The following NFAT5 variants were observed in gnomAD, a reference collection of about 807,000 sequenced individuals.
The protein encoded by NFAT5 is nuclear factor of activated T-cells 5.
Under a neutral mutation model 166.5 loss-of-function variants are expected in NFAT5, and 31 were observed. That is an observed-to-expected ratio of 0.19 (90% CI 0.14 to 0.25). The LOEUF (loss-of-function observed/expected upper bound fraction) is 0.25, where lower values mean the gene tolerates loss of function less well. NFAT5 is among the 10% of genes least tolerant of loss of function. The probability of loss-of-function intolerance (pLI) is 1.00; values close to 1 mark genes in which losing one functional copy is unlikely to be tolerated. For missense variants in NFAT5, 1,449 were observed against 1,821.8 expected, an observed-to-expected ratio of 0.80 and a Z score of 3.72; for synonymous variants, 612 against 639.7, an observed-to-expected ratio of 0.96 and a Z score of 0.65.
rs771181388 is a variant in NFAT5, at chr16:69,702,887, T to G, written c.*6536T>G. 35 of 152,686 alleles carry G rather than the reference T, an allele frequency of 2.3e-4. No homozygotes were observed. The highest frequency in any genetic ancestry group is 3.4e-4 in the Non-Finnish European group (23 of 68,042). 9.5% of individuals were successfully genotyped at this position (152,686 alleles called of 1,614,324 possible). A position where few individuals can be genotyped will look rare whatever the true frequency, so the allele number is the denominator to read the frequency against. On this transcript the variant is annotated 3_prime_UTR_variant, in exon 15 of 15. Transcript: ENST00000349945. ...CAGTGTATTTTATGTACATACACAA[T>G]TAGTCTAATTCTTGATAATTCAGTT...
intron 2 of NFAT5, among the ~76,000 whole-genome samples, chr16:69,625,377 AC>A (rs1357093866): frequency 6.6e-6 from 1 of 152,014 alleles, no homozygotes; most frequent in Non-Finnish European, 1.5e-5. Flanking sequence ...TTTAAAAGAT[AC>A]AGGGTTCTTT....
chr16:69,613,181 T>C (rs2033783987), intron 2 of NFAT5, among the ~76,000 whole-genome samples: 2 of 152,194 alleles, frequency 1.3e-5, no homozygotes, highest in African/African-American at 4.8e-5. Context: ...CCAATTTAGT[T>C]CATCCATTTA....
At position 69,570,216 on chromosome 16, in the gene NFAT5, AATT is replaced by A. The variant is rs2016349422; in HGVS notation, c.127+1671_127+1673del. ...TTTAAAGTAAGGCTACCCTTTTAGA[AATT>A]ATATATAAAATATAACATGTATAAG... On this transcript the variant is annotated intron_variant, in intron 2 of 14. Transcript: ENST00000349945. 2.0e-5 allele frequency among the ~76,000 whole-genome samples: 3 copies of A among 152,284 alleles called. No homozygotes were observed. In the South Asian group the frequency reaches 6.2e-4, roughly 32 times the overall value.
At position 69,692,940 on chromosome 16, in the gene NFAT5, G is replaced by C. The variant is rs2037609469; in HGVS notation, c.3115G>C (p.Val1039Leu). The C allele has an allele frequency of 6.2e-7, 1 of 1,614,164 alleles. No individual in the cohort carries two copies. The highest frequency in any genetic ancestry group is 8.5e-7 in the Non-Finnish European group (1 of 1,180,020). Reference sequence around the variant, plus strand: ...ACATAGTGGGGACAATCAACCTCAAGTTAACCTTTTTTCATCCACAAAAAG... The same window carrying C: ...ACATAGTGGGGACAATCAACCTCAACTTAACCTTTTTTCATCCACAAAAAG... ...MQHSGDNQPQ[V>L]NLFSSTKSMM... Residue 1039 changes from valine (V) to leucine (L), a missense_variant, in exon 13 of 15, where the codon GTT (valine) becomes CTT (leucine). Val to Leu is a conservative substitution (Grantham distance 32). Around this residue, in one of 7 missense-constraint regions of NFAT5, gnomAD observed 891 missense variants for 993.0 expected, o/e 0.90. Coordinates refer to ENST00000349945, the MANE Select transcript of NFAT5 (RefSeq NM_138713.4).
At chr16:69,668,828 A>G (rs919270844) in intron 7 of NFAT5, among the ~76,000 whole-genome samples, 2 of 151,946 alleles carry the variant, frequency 1.3e-5, no homozygotes, top group African/African-American at 2.4e-5. Context: ...ACAAGCACCC[A>G]CCACCACGCC....
rs560731114 is a variant in NFAT5, at chr16:69,622,347, T to C, written c.128-4056T>C. ...AACTGTAGCTTCCCTTGGATAGGCA[T>C]GATAAACTTCTGGCAGGCTGACTTC... On this transcript the variant is annotated intron_variant, in intron 2 of 14. Transcript: ENST00000349945. Among the ~76,000 whole-genome samples the C allele has an allele frequency of 2.0e-5, 3 of 152,352 alleles. No homozygotes were observed. The South Asian group carries it at 6.2e-4, about 32-fold the overall frequency.
intron 3 of NFAT5, among the ~76,000 whole-genome samples, chr16:69,643,957 T>A (rs1322667475): frequency 6.6e-6 from 1 of 152,178 alleles, no homozygotes; most frequent in Non-Finnish European, 1.5e-5. Flanking sequence ...ATTTTATACA[T>A]CATTATCATC....
intron 7 of NFAT5, among the ~76,000 whole-genome samples, chr16:69,662,442 AC>A (rs1174736452): frequency 1.1e-4 from 15 of 137,498 alleles, no homozygotes; most frequent in Non-Finnish European, 1.7e-4. Flanking sequence ...GGTAGACAAC[AC>A]CTCTTTCTTT....
In NFAT5 at chr16:69,692,208, C is replaced by A; in HGVS notation, c.2383C>A (p.Gln795Lys). 6.2e-7 allele frequency: 1 copy of A among 1,614,118 alleles called. No homozygotes were observed. Among genetic ancestry groups the A allele is most frequent in the Non-Finnish European group, 8.5e-7 (1 of 1,179,974 alleles). Residue 795 changes from glutamine to lysine, a missense_variant, in exon 13 of 15, where the codon CAG (glutamine) becomes AAG (lysine). Transcript: ENST00000349945. Reference protein sequence around the residue: ...SVSQLQNTIQQLQAGSFTGST... With the variant: ...SVSQLQNTIQKLQAGSFTGST... ...GAGTCAGCTTCAGAATACTATTCAG[C>A]AGCTGCAAGCAGGGAGTTTCACAGG...
chr16:69,674,946 G>T (rs2036773001), intron 9 of NFAT5, among the ~76,000 whole-genome samples: 1 of 152,116 alleles, frequency 6.6e-6, no homozygotes, highest in African/African-American at 2.4e-5. Context: ...CCAACCCTTT[G>T]TATGTTTTGT....
intron 4 of NFAT5, among the ~76,000 whole-genome samples, chr16:69,653,008 C>T (rs1166369613): frequency 1.3e-5 from 2 of 152,118 alleles, no homozygotes; most frequent in Admixed American, 6.6e-5. Flanking sequence ...TTCTGTCAAA[C>T]ATACTTTGTT....
At chr16:69,617,798 A>T (rs16958997) in intron 2 of NFAT5, among the ~76,000 whole-genome samples, 2 of 151,912 alleles carry the variant, frequency 1.3e-5, no homozygotes, top group Admixed American at 1.3e-4. Context: ...GGCTGAACAT[A>T]ATTTTAAAGT....
At chr16:69,674,982 T>C (rs1435909123) in intron 9 of NFAT5, among the ~76,000 whole-genome samples, 1 of 152,202 alleles carries the variant, frequency 6.6e-6, no homozygotes, top group Non-Finnish European at 1.5e-5. Context: ...AGCTCAGTGA[T>C]AGTTAATTGT....
chr16:69,583,815 G>A lies in NFAT5; in HGVS notation c.127+15267G>A, dbSNP rs184011927. Among the ~76,000 whole-genome samples, 257 of 152,296 alleles carry A rather than the reference G, an allele frequency of 1.7e-3. 1 individual carries two copies. The highest frequency in any genetic ancestry group is 6.0e-3 in the African/African-American group (249 of 41,552). On this transcript the variant is annotated intron_variant, in intron 2 of 14. Transcript: ENST00000349945. Reference sequence around the variant, plus strand: ...ATCCTACATCCAGAAAAGAAGGAAGGAAGGGTTTTGGAAGTTTGAGGATTG... The same window carrying A: ...ATCCTACATCCAGAAAAGAAGGAAGAAAGGGTTTTGGAAGTTTGAGGATTG...
chr16:69,566,319 C>T lies in NFAT5; in HGVS notation c.18C>T (p.Ile6=), dbSNP rs1415227530. 11 of 1,607,764 alleles carry T rather than the reference C, an allele frequency of 6.8e-6. No individual in the cohort carries two copies. Among genetic ancestry groups the T allele is most frequent in the South Asian group, 3.4e-5 (3 of 89,268 alleles). Reference sequence around the variant, plus strand: ...GAGCTGCGATGCCCTCGGACTTCATCTCATTGCTCAGCGCGGACCTAGACC... The same window carrying T: ...GAGCTGCGATGCCCTCGGACTTCATTTCATTGCTCAGCGCGGACCTAGACC... MPSDF[I]SLLSADLDLE... is the part of the protein sequence containing the mutation. Residue 6 remains isoleucine (I), a synonymous_variant, in exon 1 of 15, where the codon ATC becomes ATT. Coordinates refer to ENST00000349945, the MANE Select transcript of NFAT5 (RefSeq NM_138713.4). The surrounding 1 kb of genome is among the most constrained non-coding windows in gnomAD (Gnocchi z 5.7).
chr16:69,690,104 C>G (rs1373787834), intron 11 of NFAT5, among the ~76,000 whole-genome samples: 1 of 152,072 alleles, frequency 6.6e-6, no homozygotes, highest in Non-Finnish European at 1.5e-5. Flanking sequence ...CACTGAGTGC[C>G]ACTGCGGACT....
intron 14 of NFAT5, among the ~76,000 whole-genome samples, chr16:69,696,044 C>T (rs2037756257): frequency 6.6e-6 from 1 of 152,138 alleles, no homozygotes; most frequent in Admixed American, 6.5e-5. Context: ...ACTTCTGATC[C>T]CAAACATTTT....
At chr16:69,674,072 A>C (rs1462796633) in intron 9 of NFAT5, among the ~76,000 whole-genome samples, 1 of 151,844 alleles carries the variant, frequency 6.6e-6, no homozygotes, top group Admixed American at 6.6e-5. Context: ...GCAAAACCCC[A>C]TCTCTACTAA....
At chr16:69,642,120 T>C (rs2151611607) in intron 3 of NFAT5, among the ~76,000 whole-genome samples, 1 of 152,012 alleles carries the variant, frequency 6.6e-6, no homozygotes. Context: ...AAAAAGAAAG[T>C]AAAGAAAGTA....
Sources: allele counts gnomAD v4.1 joint callset (sites outside exome capture counted in the v4.1 genomes callset), GRCh38; gene constraint gnomAD v4.1.1; regional missense constraint gnomAD v4.1.1; non-coding constraint Gnocchi (gnomAD v3.1); transcripts MANE v1.5; gene names NCBI Gene and HGNC (gene_info 2026-07-23, HGNC 2026-07-21).